GLIS3: variants seen among roughly 807,000 people sequenced by gnomAD.
GLIS3 encodes zinc finger protein GLIS3.
Under a neutral mutation model 78.6 loss-of-function variants are expected in GLIS3, and 53 were observed. That is an observed-to-expected ratio of 0.67 (90% CI 0.54 to 0.85). The LOEUF (loss-of-function observed/expected upper bound fraction) is 0.85. GLIS3 is among the 40% of genes least tolerant of loss of function. The pLI, the probability that GLIS3 is intolerant of heterozygous loss-of-function variation, is 0.00. For missense variants in GLIS3, 1,703 were observed against 1,231.1 expected (o/e 1.38, Z -5.74); for synonymous variants, 684 against 509.9 (o/e 1.34, Z -4.60).
chr9:4,016,297 G>A (rs1338488008), intron 4 of GLIS3, among the ~76,000 whole-genome samples: 2 of 152,126 alleles, frequency 1.3e-5, no homozygotes, highest in African/African-American at 4.8e-5. Context: ...ATGAAGTCAG[G>A]AAGACTCCAA....
At chr9:3,879,247 T>A (rs1400534699) in intron 8 of GLIS3, among the ~76,000 whole-genome samples, 180 bp downstream of exon 8, 1 of 152,094 alleles carries the variant, frequency 6.6e-6, no homozygotes, top group Non-Finnish European at 1.5e-5. Context: ...CGTGGAAAAA[T>A]GAAACAGATA....
chr9:4,003,364 CAG>C lies in GLIS3; in HGVS notation c.1711-66177_1711-66176del, dbSNP rs766285298. Among the ~76,000 whole-genome samples, 3 of 151,982 alleles carry C rather than the reference CAG, an allele frequency of 2.0e-5. No individual in the cohort carries two copies. In the South Asian group the frequency reaches 6.2e-4, roughly 32 times the overall value. Reference sequence around the variant, plus strand: ...ATATATTTTAAAAAGAGAAAGAGGACAGAGATAGAGGTAGGAGACAGAATAGG... The same window carrying C: ...ATATATTTTAAAAAGAGAAAGAGGACAGATAGAGGTAGGAGACAGAATAGG... On this transcript the variant is annotated intron_variant, in intron 4 of 10. Coordinates refer to ENST00000381971, the MANE Select transcript of GLIS3 (RefSeq NM_001042413.2).
At chr9:3,960,983 A>C (rs527333320) in intron 4 of GLIS3, among the ~76,000 whole-genome samples, 1 of 152,328 alleles carries the variant, frequency 6.6e-6, no homozygotes, top group East Asian at 1.9e-4. Flanking sequence ...CCTGCCATAA[A>C]GAATTGGGGA....
chr9:3,849,473 A>G (rs1819283726), intron 9 of GLIS3, among the ~76,000 whole-genome samples: 1 of 152,180 alleles, frequency 6.6e-6, no homozygotes, highest in South Asian at 2.1e-4. Flanking sequence ...AGATGTGTAG[A>G]ATATCAGCAT....
At chr9:3,990,229 C>T (rs1441367311) in intron 4 of GLIS3, among the ~76,000 whole-genome samples, 1 of 152,104 alleles carries the variant, frequency 6.6e-6, no homozygotes, top group African/African-American at 2.4e-5. Context: ...TTAATCATCA[C>T]CAAAAAGCCA....
At chr9:4,315,598 CT>C (rs1449217087) in intron 2 of GLIS3, among the ~76,000 whole-genome samples, 4 of 152,140 alleles carry the variant, frequency 2.6e-5, no homozygotes, top group African/African-American at 4.8e-5. Context: ...ATGGAAAACT[CT>C]TTTCATGGAA....
intron 4 of GLIS3, among the ~76,000 whole-genome samples, chr9:4,059,959 C>G (rs922593208): frequency 6.6e-6 from 1 of 151,628 alleles, no homozygotes; most frequent in African/African-American, 2.4e-5. Flanking sequence ...TGTGAAGGTT[C>G]CTTGCAACTT....
chr9:4,111,718 C>T (rs774570167), intron 4 of GLIS3, among the ~76,000 whole-genome samples: 4 of 152,146 alleles, frequency 2.6e-5, no homozygotes, highest in Non-Finnish European at 4.4e-5. Context: ...TACGTAAAAT[C>T]GCTGGGAAAG....
chr9:4,215,011 G>A (rs1201218318), intron 2 of GLIS3, among the ~76,000 whole-genome samples: 1 of 152,154 alleles, frequency 6.6e-6, no homozygotes, highest in Non-Finnish European at 1.5e-5. Context: ...ACTTTGAAAA[G>A]CCCTGTACAG....
chr9:4,095,675 C>A (rs186423353), intron 4 of GLIS3, among the ~76,000 whole-genome samples: 1 of 152,248 alleles, frequency 6.6e-6, no homozygotes, highest in Admixed American at 6.5e-5. Context: ...AGTGAGCGAG[C>A]TATAAATTTG....
At chr9:4,183,721 T>C (rs538229366) in intron 2 of GLIS3, among the ~76,000 whole-genome samples, 1 of 152,342 alleles carries the variant, frequency 6.6e-6, no homozygotes, top group South Asian at 2.1e-4. Flanking sequence ...CCTAAATTAC[T>C]TTCAACTAGA....
intron 2 of GLIS3, 51 bp downstream of exon 2, chr9:4,285,987 G>A (rs759581570): frequency 5.6e-6 from 9 of 1,606,902 alleles, no homozygotes; most frequent in Middle Eastern, 1.7e-4. Context: ...ATGGGATGGG[G>A]GAGAAAAAAA....
chr9:4,124,736 G>A (rs2130908771), intron 3 of GLIS3, among the ~76,000 whole-genome samples: 1 of 152,312 alleles, frequency 6.6e-6, no homozygotes, highest in East Asian at 1.9e-4. Context: ...GGATTAGGAG[G>A]AAGGAAAGGA....
At chr9:4,300,123 G>C (rs1816998782), upstream of GLIS3, among the ~76,000 whole-genome samples, 2 of 151,882 alleles carry the variant, frequency 1.3e-5, no homozygotes, top group Admixed American at 1.3e-4. Context: ...AGCGCCGGAG[G>C]GGGAGGGGGA....
In GLIS3 at chr9:4,267,523, A is replaced by G. The variant is rs139983214; in HGVS notation, c.388+18515T>C. Reference sequence around the variant, plus strand: ...CAGTACCCAAATATCTGAATAAAACAAGTCTTTAATCTCTTTGTCCTTGAC... The same window carrying G: ...CAGTACCCAAATATCTGAATAAAACGAGTCTTTAATCTCTTTGTCCTTGAC... On this transcript the variant is annotated intron_variant, in intron 2 of 10. Transcript: ENST00000381971. Among the ~76,000 whole-genome samples the G allele has an allele frequency of 2.1e-3, 325 of 152,330 alleles. 1 individual carries two copies. The Middle Eastern group carries it at 0.024, about 11-fold the overall frequency.
chr9:4,410,700 G>T, the GLIS3 span, among the ~76,000 whole-genome samples: 1 of 152,182 alleles, frequency 6.6e-6, no homozygotes, highest in African/African-American at 2.4e-5. Context: ...AGGGGACGTT[G>T]TCAAGGATAC....
At chr9:4,257,754 TA>T (rs1253516595) in intron 2 of GLIS3, among the ~76,000 whole-genome samples, 2 of 151,984 alleles carry the variant, frequency 1.3e-5, no homozygotes, top group Non-Finnish European at 2.9e-5. Context: ...TTTTTATTTT[TA>T]GTAGAGATGG....
the GLIS3 span, among the ~76,000 whole-genome samples, chr9:4,480,743 A>T: frequency 1.3e-5 from 2 of 152,114 alleles, no homozygotes; most frequent in Non-Finnish European, 1.5e-5. Context: ...TATTACCCTT[A>T]ACACACACAT....
At chr9:4,171,216 A>G (rs1816344567) in intron 2 of GLIS3, among the ~76,000 whole-genome samples, 1 of 152,222 alleles carries the variant, frequency 6.6e-6, no homozygotes, top group South Asian at 2.1e-4. Context: ...TATACATATA[A>G]GTACACTCTT....
Sources: gnomAD v4.1 joint callset for allele counts (sites outside exome capture counted in the v4.1 genomes callset) on GRCh38, gnomAD v4.1.1 for gene constraint, MANE v1.5 for transcripts, NCBI Gene and HGNC (gene_info 2026-07-23, HGNC 2026-07-21) for gene names.